GADL1: variants seen among roughly 807,000 people sequenced by gnomAD.
The protein encoded by GADL1 is GAD like acidic amino acid decarboxylase 1, also known as acidic amino acid decarboxylase GADL1.
Under a neutral mutation model 69.5 loss-of-function variants are expected in GADL1, and 71 were observed. The observed-to-expected ratio is 1.02, with a 90% CI of 0.84 to 1.25. The LOEUF is 1.25. GADL1 is among the 50% of genes most tolerant of loss of function. The pLI, the probability that GADL1 is intolerant of heterozygous loss-of-function variation, is 0.00. For synonymous variants in GADL1, 254 were observed against 214.4 expected (o/e 1.18, Z -1.62); for missense variants, 737 against 631.8 (o/e 1.17, Z -1.79).
intron 14 of GADL1, among the ~76,000 whole-genome samples, 158 bp from the exon 15 acceptor site, chr3:30,728,573 A>G (rs1695406378): frequency 6.6e-6 from 1 of 152,196 alleles, no homozygotes; most frequent in Non-Finnish European, 1.5e-5. Flanking sequence ...TAATTTATGG[A>G]GGACTCATGA....
chr3:30,888,327 G>T (rs545605567), intron 1 of GADL1, among the ~76,000 whole-genome samples: 2 of 152,162 alleles, frequency 1.3e-5, no homozygotes, highest in East Asian at 3.9e-4. Flanking sequence ...TGGTGGTTAC[G>T]AGTGTACAAA....
At chr3:30,740,162 C>T (rs1695595527) in intron 14 of GADL1, among the ~76,000 whole-genome samples, 1 of 152,122 alleles carries the variant, frequency 6.6e-6, no homozygotes, top group African/African-American at 2.4e-5. Flanking sequence ...CTAAACTAAG[C>T]TCTGCTTTAC....
At chr3:30,747,554 A>G (rs1296864298) in intron 14 of GADL1, among the ~76,000 whole-genome samples, 2 of 152,186 alleles carry the variant, frequency 1.3e-5, no homozygotes, top group East Asian at 1.9e-4. Flanking sequence ...CTCAAATCCA[A>G]TTTCTTTGGA....
rs1212462680 is a variant in GADL1 at position 30,727,347 on chromosome 3, C to T, written c.*895G>A. ...CAGTTTATTAATTTATTAATAGAAC[C>T]TGTATTTTTCTGTCAATTATTGTGC... On this transcript the variant is annotated 3_prime_UTR_variant, in exon 15 of 15. Transcript: ENST00000282538. 3.4e-5 allele frequency: 5 copies of T among 148,870 alleles called. No homozygotes were observed. The highest frequency in any genetic ancestry group is 6.7e-5 in the Admixed American group (1 of 14,872). 9.2% of individuals were successfully genotyped at this position (148,870 alleles called of 1,614,324 possible).
chr3:30,851,383 T>A lies in GADL1; in HGVS notation c.429-442A>T, dbSNP rs182003650. 8.3e-3 allele frequency among the ~76,000 whole-genome samples: 1,258 copies of A among 152,270 alleles called. 8 individuals are homozygous for A. The highest frequency in any genetic ancestry group is 0.048 in the Middle Eastern group (14 of 294). On this transcript the variant is annotated intron_variant, in intron 4 of 14. Coordinates refer to ENST00000282538, the MANE Select transcript of GADL1 (RefSeq NM_207359.3). Reference sequence around the variant, plus strand: ...TGCTAACAGTCCCCTCTAGATATTCTAAGTGGAGACTACTCCACCTGAACC... The same window carrying A: ...TGCTAACAGTCCCCTCTAGATATTCAAAGTGGAGACTACTCCACCTGAACC...
intron 11 of GADL1, among the ~76,000 whole-genome samples, chr3:30,809,719 G>A (rs995584374): frequency 6.6e-6 from 1 of 152,022 alleles, no homozygotes; most frequent in African/African-American, 2.4e-5. Context: ...GTTTAGAGGT[G>A]GGATTGTAGA....
chr3:30,816,530 CTTTTTTTTTTTTTTTTTTTT>C (rs773530741), intron 11 of GADL1, among the ~76,000 whole-genome samples: 26 of 53,990 alleles, frequency 4.8e-4, no homozygotes, highest in South Asian at 2.8e-3. Context: ...AATTTGTTTT[CTTTTTTTTTTTTTTTTTTTT>C]TTTTTTTTTT....
intron 11 of GADL1, among the ~76,000 whole-genome samples, chr3:30,801,404 CTG>C (rs1289021193): frequency 1.3e-5 from 2 of 152,116 alleles, no homozygotes; most frequent in East Asian, 1.9e-4. Context: ...GTGAATAAAA[CTG>C]TCTATAACTC....
chr3:30,867,439 T>TATATATATATATATACAC (rs1319135425), intron 1 of GADL1, among the ~76,000 whole-genome samples: 2 of 138,838 alleles, frequency 1.4e-5, no homozygotes, highest in Non-Finnish European at 3.1e-5. Context: ...TATATATATA[T>TATATATATATATATACAC]ACACATATAT....
chr3:30,805,444 T>C (rs1304814422), intron 11 of GADL1, among the ~76,000 whole-genome samples: 3 of 147,920 alleles, frequency 2.0e-5, no homozygotes, highest in Non-Finnish European at 4.4e-5. Context: ...TAAGATCCTG[T>C]TTCAAACTCT....
intron 1 of GADL1, among the ~76,000 whole-genome samples, chr3:30,887,963 C>G (rs1377617049): frequency 1.3e-5 from 2 of 152,164 alleles, no homozygotes; most frequent in African/African-American, 4.8e-5. Flanking sequence ...CGAGGCTGCT[C>G]AAGTCCCTTA....
In GADL1 at chr3:30,770,699, C is replaced by T. The variant is rs534131211; in HGVS notation, c.1392+7480G>A. Among the ~76,000 whole-genome samples, 13 of 152,244 alleles carry T rather than the reference C, an allele frequency of 8.5e-5. No individual in the cohort carries two copies. The East Asian group carries it at 2.5e-3, about 29-fold the overall frequency. ...ACTGGTCTCATCCTGACCTCAGGCC[C>T]GTGAGCTCAGCCTCAGCCTGCAGAA... On this transcript the variant is annotated intron_variant, in intron 14 of 14. Coordinates refer to ENST00000282538, the MANE Select transcript of GADL1 (RefSeq NM_207359.3).
intron 11 of GADL1, among the ~76,000 whole-genome samples, chr3:30,813,232 GATA>G (rs1056962877): frequency 3.3e-5 from 5 of 152,280 alleles, no homozygotes; most frequent in African/African-American, 7.2e-5. Flanking sequence ...GCAAATTGAG[GATA>G]ATAATATTGC....
At chr3:30,732,269 G>T (rs910335331) in intron 14 of GADL1, among the ~76,000 whole-genome samples, 1 of 152,132 alleles carries the variant, frequency 6.6e-6, no homozygotes, top group African/African-American at 2.4e-5. Flanking sequence ...AATGGGGCGC[G>T]CATAGAGGAA....
At chr3:30,818,869 A>C (rs1201743946) in intron 11 of GADL1, among the ~76,000 whole-genome samples, 2 of 152,110 alleles carry the variant, frequency 1.3e-5, no homozygotes, top group African/African-American at 4.8e-5. Context: ...ATACCTGAAT[A>C]TCTGCTATGG....
rs1414213953 is a variant in GADL1, at chr3:30,824,368, T to G, written c.1050+9485A>C. Among the ~76,000 whole-genome samples the G allele has an allele frequency of 3.3e-5, 5 of 150,816 alleles. No homozygotes were observed. The East Asian group carries it at 9.7e-4, about 29-fold the overall frequency. On this transcript the variant is annotated intron_variant, in intron 11 of 14. Transcript: ENST00000282538. ...TTAACACCAGCAAAAATGAAAAACA[T>G]TTTTAAAGAAGCAAAATATAACAAT...
intron 13 of GADL1, among the ~76,000 whole-genome samples, chr3:30,783,235 G>A (rs1471887474): frequency 1.3e-5 from 2 of 152,018 alleles, no homozygotes; most frequent in Non-Finnish European, 2.9e-5. Flanking sequence ...TGAATAATTA[G>A]GACTCTCCCA....
At position 30,746,623 on chromosome 3, in the gene GADL1, G is replaced by C. The variant is rs555149548; in HGVS notation, c.1393-18208C>G. Among the ~76,000 whole-genome samples the C allele has an allele frequency of 3.9e-5, 6 of 152,272 alleles. No individual in the cohort carries two copies. In the South Asian group the frequency reaches 1.2e-3, roughly 32 times the overall value. On this transcript the variant is annotated intron_variant, in intron 14 of 14. Transcript: ENST00000282538. ...GGTGGGCCAACAATTGTTAGGAGGA[G>C]TTTTCTTCTCTTTTTACTTTGTACC...
At chr3:30,835,998 T>C (rs1276942528) in intron 9 of GADL1, among the ~76,000 whole-genome samples, 2 of 152,106 alleles carry the variant, frequency 1.3e-5, no homozygotes, top group Admixed American at 1.3e-4. Flanking sequence ...TTTGAGAACT[T>C]GGTCCTTGCA....
Sources: gnomAD v4.1 joint callset for allele counts (sites outside exome capture counted in the v4.1 genomes callset) on GRCh38, gnomAD v4.1.1 for gene constraint, MANE v1.5 for transcripts, NCBI Gene and HGNC (gene_info 2026-07-23, HGNC 2026-07-21) for gene names.